Variants in BTN3A1 observed in about 807,000 individuals in gnomAD.
BTN3A1 encodes dJ45P21.3 (butyrophilin, subfamily 3, member A1).
A neutral mutation model predicts 43.0 loss-of-function variants in BTN3A1; 24 were observed. The ratio of observed to expected loss-of-function variants is 0.56; its 90% CI spans 0.40 to 0.78. The LOEUF (loss-of-function observed/expected upper bound fraction) is 0.78, where lower values mean the gene tolerates loss of function less well. Ranked by LOEUF, BTN3A1 falls within the 30% of genes least tolerant of loss-of-function variation. BTN3A1 has a pLI of 0.00. For missense variants in BTN3A1, 533 were observed against 626.2 expected (o/e 0.85, Z 1.59); for synonymous variants, 181 against 234.7 (o/e 0.77, Z 2.09).
chr6:26,405,530 C>T lies in BTN3A1; in HGVS notation c.-34C>T. On this transcript the variant is annotated 5_prime_UTR_variant, in exon 2 of 10. Transcript: ENST00000289361. ...TTCTTCCAGGTCATAGTGTCTGCCC[C>T]CCACCTTCCAGTATCTCCTGATATG... 6.3e-7 allele frequency: 1 copy of T among 1,599,070 alleles called. No individual in the cohort carries two copies. The highest frequency in any genetic ancestry group is 1.1e-5 in the South Asian group (1 of 90,740).
chr6:26,413,107 T>G, intron 9 of BTN3A1, 62 bp from the exon 10 acceptor site: 1 of 1,559,274 alleles, frequency 6.4e-7, no homozygotes, highest in Non-Finnish European at 8.7e-7. Flanking sequence ...CCTTGCATGC[T>G]GAGGCTCTGA....
chr6:26,413,323 A>C lies in BTN3A1; in HGVS notation c.1173A>C (p.Ile391=). The C allele has an allele frequency of 6.2e-7, 1 of 1,614,198 alleles. No individual in the cohort carries two copies. ...GTGTTCTCGGCTGTGAGAGCTTCAT[A>C]TCAGGGAGACATTACTGGGAGGTGG... ...HYCVLGCESF[I]SGRHYWEVEV... The change falls in exon 10 of 10, where the codon ATA becomes ATC. Residue 391 remains isoleucine (I), a synonymous_variant. Coordinates refer to ENST00000289361, the MANE Select transcript of BTN3A1 (RefSeq NM_007048.6).
At chr6:26,410,960 T>C (rs10946820) in intron 7 of BTN3A1, 149 bp from the exon 8 acceptor site, 76,586 of 564,732 alleles carry the variant, frequency 0.14, 5,965 homozygotes, top group African/African-American at 0.23. Flanking sequence ...AACAACACAA[T>C]AGAAAGAATT....
chr6:26,408,240 A>G (rs1160460975), intron 4 of BTN3A1, among the ~76,000 whole-genome samples: 2 of 150,664 alleles, frequency 1.3e-5, no homozygotes, highest in African/African-American at 4.8e-5. Context: ...ACAAAAGGGG[A>G]AAGCATATAT....
At chr6:26,404,884 C>G (rs971818071) in intron 1 of BTN3A1, among the ~76,000 whole-genome samples, 1 of 152,180 alleles carries the variant, frequency 6.6e-6, no homozygotes, top group African/African-American at 2.4e-5. Flanking sequence ...TATTGCTTAC[C>G]CTCTTTGTGT....
chr6:26,409,385 T>G, intron 4 of BTN3A1, 148 bp from the exon 5 acceptor site: 2 of 763,324 alleles, frequency 2.6e-6, no homozygotes, highest in Non-Finnish European at 4.3e-6. Context: ...CACTGTCCTC[T>G]GAGATTTTAG....
intron 9 of BTN3A1, 181 bp from the exon 10 acceptor site, chr6:26,412,988 A>G: frequency 6.8e-7 from 1 of 1,460,386 alleles, no homozygotes; most frequent in Non-Finnish European, 9.0e-7. Context: ...TCTGGACACA[A>G]GATACCTGAT....
chr6:26,411,145 C>A lies in BTN3A1; in HGVS notation c.991+10C>A. ...CATTCAGCCTATAATGGTGAGTGAA[C>A]CTGATGCTCTCTGAGTTTGCTGGGA... On this transcript the variant is annotated intron_variant, in intron 8 of 9. Coordinates refer to ENST00000289361, the MANE Select transcript of BTN3A1 (RefSeq NM_007048.6). The A allele has an allele frequency of 6.2e-7, 1 of 1,607,488 alleles. No individual in the cohort carries two copies. The highest frequency in any genetic ancestry group is 8.5e-7 in the Non-Finnish European group (1 of 1,177,542).
chr6:26,411,023 A>AAAT, intron 7 of BTN3A1, 86 bp from the exon 8 acceptor site: 1 of 1,013,026 alleles, frequency 9.9e-7, no homozygotes, highest in Non-Finnish European at 1.4e-6. Flanking sequence ...AAAAAAAAAA[A>AAAT]GATTAGATGG....
At chr6:26,402,533 C>T (rs1293981316) in intron 1 of BTN3A1, 121 bp downstream of exon 1, 1 of 152,268 alleles carries the variant, frequency 6.6e-6, no homozygotes, top group Non-Finnish European at 1.5e-5. Context: ...GGGTGTGTGC[C>T]TGAGGGGGTG....
chr6:26,410,056 T>C (rs1762158175), intron 7 of BTN3A1, 24 bp downstream of exon 7: 1 of 1,613,172 alleles, frequency 6.2e-7, no homozygotes. Context: ...ACATTTTCTC[T>C]GAATTTGAAT....
In BTN3A1 at chr6:26,410,878, A is replaced by G. The variant is rs567848044; in HGVS notation, c.965-231A>G. ...ATTCCAAATAGATCAGCTGAACACC[A>G]TCAGGAAGGAACTCTCGCAATGTCT... On this transcript the variant is annotated intron_variant, in intron 7 of 9. Coordinates refer to ENST00000289361, the MANE Select transcript of BTN3A1 (RefSeq NM_007048.6). Among the ~76,000 whole-genome samples the G allele has an allele frequency of 3.3e-5, 5 of 151,416 alleles. No individual in the cohort carries two copies. The East Asian group carries it at 5.8e-4, about 18-fold the overall frequency.
At chr6:26,409,972 C>G in intron 6 of BTN3A1, 34 bp from the exon 7 acceptor site, 1 of 1,614,200 alleles carries the variant, frequency 6.2e-7, no homozygotes, top group Admixed American at 1.7e-5. Flanking sequence ...CTTTATGCGC[C>G]TTGATGCATC....
chr6:26,412,997 A>G, intron 9 of BTN3A1, 172 bp from the exon 10 acceptor site: 1 of 1,462,130 alleles, frequency 6.8e-7, no homozygotes, highest in Non-Finnish European at 9.0e-7. Flanking sequence ...AAGATACCTG[A>G]TACCTGGGGC....
intron 3 of BTN3A1, among the ~76,000 whole-genome samples, chr6:26,406,549 C>CTGG (rs2113789998): frequency 6.6e-6 from 1 of 152,342 alleles, no homozygotes; most frequent in African/African-American, 2.4e-5. Flanking sequence ...TCTTCAGTGA[C>CTGG]TAGTACACAG....
In BTN3A1 at chr6:26,403,459, C is replaced by T. The variant is rs865853618; in HGVS notation, c.-193+1047C>T. On this transcript the variant is annotated intron_variant, in intron 1 of 9. Transcript: ENST00000289361. ...TTTTACTGTATTGAGCAGCCTAAAA[C>T]ATAAATTTTTGTCTTAGTTCCTGAT... 2.6e-5 allele frequency among the ~76,000 whole-genome samples: 4 copies of T among 152,254 alleles called. No individual in the cohort carries two copies. In the South Asian group the frequency reaches 8.3e-4, roughly 32 times the overall value.
At chr6:26,403,376 T>C (rs1761913576) in intron 1 of BTN3A1, among the ~76,000 whole-genome samples, 2 of 152,218 alleles carry the variant, frequency 1.3e-5, no homozygotes, top group South Asian at 4.1e-4. Flanking sequence ...TTTAAAATTA[T>C]TTTTAAACAC....
At chr6:26,411,023 AGATTAGATGGATGT>A in intron 7 of BTN3A1, 72 bp from the exon 8 acceptor site, 1 of 1,013,024 alleles carries the variant, frequency 9.9e-7, no homozygotes, top group Non-Finnish European at 1.4e-6. Context: ...AAAAAAAAAA[AGATTAGATGGATGT>A]AAAGTTAAGG....
chr6:26,403,825 T>C (rs1262310930), intron 1 of BTN3A1, among the ~76,000 whole-genome samples: 1 of 152,200 alleles, frequency 6.6e-6, no homozygotes, highest in Non-Finnish European at 1.5e-5. Context: ...CTTAAACTTG[T>C]ATTCCTTTAT....
Sources: allele counts gnomAD v4.1 joint callset (sites outside exome capture counted in the v4.1 genomes callset), GRCh38; gene constraint gnomAD v4.1.1; transcripts MANE v1.5; gene names NCBI Gene and HGNC (gene_info 2026-07-23, HGNC 2026-07-21).